Variants in SCLY observed in about 807,000 individuals in gnomAD.
The protein encoded by SCLY is selenocysteine lyase, also known as putative selenocysteine lyase.
SCLY carries 38 observed loss-of-function variants against 50.1 expected under a neutral mutation model. The ratio of observed to expected loss-of-function variants is 0.76; its 90% CI spans 0.59 to 0.99. The LOEUF is 0.99. SCLY is among the 50% of genes least tolerant of loss of function. SCLY has a pLI of 0.00. For synonymous variants in SCLY, 243 were observed against 249.4 expected (o/e 0.97, Z 0.24); for missense variants, 600 against 620.0 (o/e 0.97, Z 0.34).
chr2:238,091,544 GT>G, intron 8 of SCLY: 21 of 413,756 alleles, frequency 5.1e-5, no homozygotes, highest in South Asian at 7.6e-5. Flanking sequence ...CAAGCTGCAG[GT>G]TCACCATTCC....
intron 2 of SCLY, among the ~76,000 whole-genome samples, chr2:238,065,660 T>TTTATTTTTA (rs1553564088): frequency 7.0e-6 from 1 of 143,514 alleles, no homozygotes; most frequent in African/African-American, 2.6e-5. Flanking sequence ...AATATTTTAT[T>TTTATTTTTA]TTATTATTAT....
chr2:238,098,046 C>G (rs150659193), intron 11 of SCLY, 156 bp from the exon 12 acceptor site: 7 of 808,350 alleles, frequency 8.7e-6, no homozygotes, highest in Middle Eastern at 6.6e-4. Context: ...TAGGGGTGTG[C>G]TTGGTCTGGG....
Position 238,082,416 on chromosome 2 carries a change from TG to T in SCLY, c.777+215del, listed in dbSNP as rs558643097. ...AGGACGAATGCCATGGCAGGGATGA[TG>T]GGGGGGGTGCCCAGCCCACATGGGG... On this transcript the variant is annotated intron_variant, in intron 6 of 11. Transcript: ENST00000254663. Among the ~76,000 whole-genome samples the T allele has an allele frequency of 1.2e-4, 18 of 149,730 alleles. 1 individual carries two copies. The highest frequency in any genetic ancestry group is 8.6e-4 in the South Asian group (4 of 4,654).
intron 10 of SCLY, chr2:238,095,378 G>A (rs1559252558): frequency 6.6e-6 from 1 of 152,214 alleles, no homozygotes; most frequent in Non-Finnish European, 1.5e-5. Flanking sequence ...CCAGCCGCAT[G>A]TCATTTGGGA....
intron 1 of SCLY, among the ~76,000 whole-genome samples, chr2:238,061,628 AGGAAGCCG>A (rs1195267362): frequency 3.9e-5 from 6 of 152,246 alleles, no homozygotes; most frequent in African/African-American, 1.4e-4. Context: ...ATGGGACGAG[AGGAAGCCG>A]GGAAGCCAGT....
chr2:238,061,706 G>T (rs1051582851), intron 1 of SCLY, among the ~76,000 whole-genome samples: 1 of 152,126 alleles, frequency 6.6e-6, no homozygotes, highest in Non-Finnish European at 1.5e-5. Flanking sequence ...CGGATGCGTT[G>T]GTAGGAAGCT....
chr2:238,091,542 AGGT>A, intron 8 of SCLY: 14 of 361,570 alleles, frequency 3.9e-5, no homozygotes, highest in Admixed American at 1.7e-4. Context: ...GTCAAGCTGC[AGGT>A]TCACCATTCC....
In SCLY at chr2:238,098,395, G is replaced by C. The variant is rs1166129711; in HGVS notation, c.*40G>C. 1 of 1,548,684 alleles carries C rather than the reference G, an allele frequency of 6.5e-7. No homozygotes were observed. Among genetic ancestry groups the C allele is most frequent in the East Asian group, 2.3e-5 (1 of 43,286 alleles). On this transcript the variant is annotated 3_prime_UTR_variant, in exon 12 of 12. Transcript: ENST00000254663. ...TCCCCACCCCGCTTCTGGGAAGCCC[G>C]TGGCAGGGCACAGGGTTGTCCCTCC...
chr2:238,070,113 T>C (rs1289229335), intron 4 of SCLY, among the ~76,000 whole-genome samples: 1 of 152,208 alleles, frequency 6.6e-6, no homozygotes, highest in African/African-American at 2.4e-5. Context: ...AGCAGTGGCC[T>C]TGTGGCTGTC....
At chr2:238,076,843 T>A (rs1373405600) in intron 4 of SCLY, among the ~76,000 whole-genome samples, 1 of 152,218 alleles carries the variant, frequency 6.6e-6, no homozygotes, top group African/African-American at 2.4e-5. Context: ...TTGATTTAAA[T>A]TCTTTAATTT....
At chr2:238,082,483 G>A (rs1304403487) in intron 6 of SCLY, among the ~76,000 whole-genome samples, 6 of 152,204 alleles carry the variant, frequency 3.9e-5, no homozygotes, top group African/African-American at 7.2e-5. Flanking sequence ...AGGAGACGTC[G>A]AGATCTCAGG....
At chr2:238,091,408 G>A (rs879628804) in intron 8 of SCLY, 154 bp downstream of exon 8, 13 of 734,536 alleles carry the variant, frequency 1.8e-5, no homozygotes, top group Non-Finnish European at 3.2e-5. Flanking sequence ...TATCAACCTG[G>A]AGAGCTGTAC....
In SCLY at chr2:238,064,382, A is replaced by G. The variant is rs145451847; in HGVS notation, c.115A>G (p.Thr39Ala). 6 of 1,609,010 alleles carry G rather than the reference A, an allele frequency of 3.7e-6. No individual in the cohort carries two copies. The South Asian group carries it at 4.4e-5, about 12-fold the overall frequency. ...GAAAGTTTATATGGACTATAATGCA[A>G]CGACTCCCCTGGAGCCAGAAGTTAT... is the stretch of plus-strand genomic sequence containing the variant. ...ERKVYMDYNA[T>A]TPLEPEVIQA... Residue 39 changes from threonine to alanine, a missense_variant, in exon 2 of 12, where the codon ACG becomes GCG. Thr to Ala is a moderately conservative substitution (Grantham distance 58, BLOSUM62 0). Coordinates refer to ENST00000254663, the MANE Select transcript of SCLY (RefSeq NM_016510.7).
chr2:238,068,175 C>T lies in SCLY; in HGVS notation c.303+10C>T, dbSNP rs201189318. The T allele has an allele frequency of 1.3e-4, 199 of 1,510,550 alleles. No individual in the cohort carries two copies. Among genetic ancestry groups the T allele is most frequent in the Non-Finnish European group, 1.8e-4 (197 of 1,092,680 alleles). The allele number at this position is 1,510,550 out of a possible 1,614,324, so 93.6% of individuals were successfully genotyped here. A position where few individuals can be genotyped will look rare whatever the true frequency, so the allele number is the denominator to read the frequency against. On this transcript the variant is annotated intron_variant, in intron 3 of 11. Transcript: ENST00000254663. ...TTCCGGGGGCACTGAGGTAAAGCTT[C>T]TGAACACACTCACATTCTGTTAACT...
At chr2:238,094,370 G>T (rs1198392950) in intron 9 of SCLY, 50 bp from the exon 10 acceptor site, 1 of 1,433,734 alleles carries the variant, frequency 7.0e-7, no homozygotes, top group African/African-American at 1.4e-5. Flanking sequence ...ACAGTTGCTG[G>T]TGGTGGTGTC....
intron 9 of SCLY, 196 bp downstream of exon 9, chr2:238,094,140 C>G: frequency 1.6e-6 from 1 of 630,576 alleles, no homozygotes; most frequent in Non-Finnish European, 2.8e-6. Context: ...AAGCAGGACC[C>G]TAGGCCAGGG....
chr2:238,068,886 C>T (rs980686291), intron 3 of SCLY, among the ~76,000 whole-genome samples: 33 of 152,124 alleles, frequency 2.2e-4, no homozygotes, highest in African/African-American at 7.5e-4. Context: ...TGCTGGGTCA[C>T]GGGGCTCATT....
intron 2 of SCLY, 44 bp from the exon 3 acceptor site, chr2:238,068,021 C>A: frequency 7.0e-7 from 1 of 1,423,112 alleles, no homozygotes; most frequent in Non-Finnish European, 9.9e-7. Flanking sequence ...GTTGATTGAG[C>A]TTGGTGAAGC....
At chr2:238,091,553 TCCCAAAGG>T in intron 8 of SCLY, 323 of 337,760 alleles carry the variant, frequency 9.6e-4, no homozygotes, top group South Asian at 2.4e-3. Flanking sequence ...GGTTCACCAT[TCCCAAAGG>T]CGTCGGCAGC....
Sources: allele counts gnomAD v4.1 joint callset (sites outside exome capture counted in the v4.1 genomes callset), GRCh38; gene constraint gnomAD v4.1.1; transcripts MANE v1.5; gene names NCBI Gene and HGNC (gene_info 2026-07-23, HGNC 2026-07-21).